C14orf39: variants seen among roughly 807,000 people sequenced by gnomAD.
C14orf39 encodes chromosome 14 open reading frame 39.
C14orf39 carries 66 observed loss-of-function variants against 85.6 expected under a neutral mutation model. The ratio of observed to expected loss-of-function variants is 0.77; its 90% CI spans 0.63 to 0.95. C14orf39 has a LOEUF of 0.95. C14orf39 is among the 40% of genes least tolerant of loss of function. The pLI is 0.00. For synonymous variants in C14orf39, 242 were observed against 214.0 expected (o/e 1.13, Z -1.14); for missense variants, 735 against 663.9 (o/e 1.11, Z -1.18).
intron 1 of C14orf39, among the ~76,000 whole-genome samples, chr14:60,508,634 G>T (rs1427961236): frequency 6.6e-6 from 1 of 152,214 alleles, no homozygotes; most frequent in African/African-American, 2.4e-5. Context: ...ACTGGAAAGG[G>T]GAAGAGGGAG....
rs200537449 is a variant in C14orf39, at chr14:60,509,985, G to A, written c.-144+5410C>T. The stretch of plus-strand genomic sequence containing the variant: ...GCCAAGAACAGGTCGGTACCTAGAG[G>A]CCTCCGCGCTTTGAGCGCACCGGGG... On this transcript the variant is annotated intron_variant, in intron 1 of 5. Transcript: ENST00000556799. 157 of 1,585,836 alleles carry A rather than the reference G, an allele frequency of 9.9e-5. No individual in the cohort carries two copies. The highest frequency in any genetic ancestry group is 1.3e-4 in the Non-Finnish European group (156 of 1,164,690).
chr14:60,499,733 A>G (rs1358152683), intron 1 of C14orf39, among the ~76,000 whole-genome samples: 1 of 152,264 alleles, frequency 6.6e-6, no homozygotes, highest in Non-Finnish European at 1.5e-5. Flanking sequence ...TGATAAAGTT[A>G]AAAGGCAAGT....
intron 5 of C14orf39, among the ~76,000 whole-genome samples, chr14:60,478,001 A>G (rs185067442): frequency 5.3e-5 from 8 of 152,070 alleles, no homozygotes; most frequent in African/African-American, 1.9e-4. Context: ...AACATGGTGA[A>G]ACCCCGTCTC....
chr14:60,510,402 C>A (rs1207606016), intron 1 of C14orf39, among the ~76,000 whole-genome samples: 2 of 152,314 alleles, frequency 1.3e-5, no homozygotes, highest in Admixed American at 6.5e-5. Context: ...CCAGGTATAT[C>A]CCTCCCTAAT....
chr14:60,497,520 G>A (rs939082777), intron 2 of C14orf39, among the ~76,000 whole-genome samples: 2 of 152,082 alleles, frequency 1.3e-5, no homozygotes, highest in Admixed American at 1.3e-4. Flanking sequence ...GTCCTTATAA[G>A]GAAAACAGTC....
intron 4 of C14orf39, among the ~76,000 whole-genome samples, chr14:60,482,632 T>C (rs976694120): frequency 2.0e-5 from 3 of 152,150 alleles, no homozygotes; most frequent in African/African-American, 4.8e-5. Context: ...TCTATAGCAA[T>C]AGATCTCTAT....
At chr14:60,497,927 G>C (rs960883709) in intron 2 of C14orf39, among the ~76,000 whole-genome samples, 5 of 151,820 alleles carry the variant, frequency 3.3e-5, no homozygotes, top group Admixed American at 3.3e-4. Flanking sequence ...AAAGAAAAAA[G>C]AAAAAAATTC....
intron 1 of C14orf39, among the ~76,000 whole-genome samples, chr14:60,499,793 T>A (rs1263719391): frequency 6.6e-6 from 1 of 152,134 alleles, no homozygotes; most frequent in Admixed American, 6.5e-5. Flanking sequence ...AAAATATATA[T>A]CCTTAATATT....
intron 4 of C14orf39, among the ~76,000 whole-genome samples, chr14:60,482,664 T>G (rs1420661553): frequency 1.3e-5 from 2 of 152,144 alleles, no homozygotes; most frequent in Admixed American, 6.5e-5. Flanking sequence ...TATCTGTACA[T>G]GACTGGAAAT....
intron 1 of C14orf39, chr14:60,510,062 C>A: frequency 8.7e-7 from 1 of 1,151,724 alleles, no homozygotes; most frequent in Non-Finnish European, 1.3e-6. Context: ...CTGGCGACTC[C>A]AATTCAGCAG....
At chr14:60,513,543 C>G (rs1893324165) in intron 1 of C14orf39, among the ~76,000 whole-genome samples, 1 of 152,192 alleles carries the variant, frequency 6.6e-6, no homozygotes, top group Non-Finnish European at 1.5e-5. Flanking sequence ...GTTCCCCAGC[C>G]CCACCCCACC....
chr14:60,454,128 T>C (rs544654746), intron 16 of C14orf39, among the ~76,000 whole-genome samples: 3 of 151,452 alleles, frequency 2.0e-5, no homozygotes, highest in South Asian at 2.1e-4. Context: ...AAGTTGAAGA[T>C]GTAAAATACT....
At chr14:60,463,032 A>C (rs1891600872) in intron 11 of C14orf39, among the ~76,000 whole-genome samples, 1 of 152,252 alleles carries the variant, frequency 6.6e-6, no homozygotes, top group South Asian at 2.1e-4. Context: ...ATTTGTAATA[A>C]ATTTATACTG....
rs2140066869 is a variant in C14orf39 at position 60,455,003 on chromosome 14, G to T, written c.1501C>A (p.Gln501Lys). The T allele has an allele frequency of 6.5e-7, 1 of 1,538,554 alleles. No individual in the cohort carries two copies. The highest frequency in any genetic ancestry group is 2.5e-5 in the East Asian group (1 of 40,534). The part of the protein sequence containing the change: ...SVFDTEISSD[Q>K]FNEHYSARNL... ...AAACTTTTGGCTTCTCATATTACCT[G>T]ATCTGATGAGATTTCTGTATCAAAT... The change falls in exon 16 of 18, where the codon CAG becomes AAG. Residue 501 changes from glutamine to lysine, a missense_variant and splice_region_variant. Coordinates refer to ENST00000321731, the MANE Select transcript of C14orf39 (RefSeq NM_174978.3).
chr14:60,470,296 T>G (rs1010155208), intron 7 of C14orf39, among the ~76,000 whole-genome samples: 20 of 151,812 alleles, frequency 1.3e-4, no homozygotes, highest in Non-Finnish European at 2.8e-4. Context: ...TAAATTATAA[T>G]CCATTTAGGA....
intron 1 of C14orf39, among the ~76,000 whole-genome samples, chr14:60,502,509 T>C (rs181134011): frequency 7.5e-4 from 115 of 152,332 alleles, no homozygotes; most frequent in African/African-American, 2.7e-3. Context: ...TTTTAATAGC[T>C]GTAAAGACAT....
At chr14:60,441,299 C>T (rs1277501722) in intron 17 of C14orf39, among the ~76,000 whole-genome samples, 1 of 152,172 alleles carries the variant, frequency 6.6e-6, no homozygotes, top group African/African-American at 2.4e-5. Context: ...GACCTACATG[C>T]AACATGCCTT....
chr14:60,479,815 A>C lies in C14orf39; in HGVS notation c.234-1426T>G, dbSNP rs888135546. ...AAATATACACCTATATCACAATTTC[A>C]CTGGCTGCCTAATGTTCATTCATAT... is the stretch of plus-strand genomic sequence containing the variant. On this transcript the variant is annotated intron_variant, in intron 4 of 17. Transcript: ENST00000321731. Among the ~76,000 whole-genome samples, 3 of 152,216 alleles carry C rather than the reference A, an allele frequency of 2.0e-5. No individual in the cohort carries two copies. In the East Asian group the frequency reaches 5.8e-4, roughly 29 times the overall value.
At chr14:60,492,129 C>T (rs913646727) in intron 2 of C14orf39, among the ~76,000 whole-genome samples, 4 of 39,748 alleles carry the variant, frequency 1.0e-4, no homozygotes, top group African/African-American at 2.1e-4. Flanking sequence ...CTTGGCAAAA[C>T]TTTAAAAAAA....
Sources: gnomAD v4.1 joint callset for allele counts (sites outside exome capture counted in the v4.1 genomes callset) on GRCh38, gnomAD v4.1.1 for gene constraint, MANE v1.5 for transcripts, NCBI Gene and HGNC (gene_info 2026-07-23, HGNC 2026-07-21) for gene names.